Variants in DCX observed in about 807,000 individuals in gnomAD.
DCX encodes neuronal migration protein doublecortin.
In DCX, 4 loss-of-function variants were observed where a neutral mutation model predicts 20.9. The ratio of observed to expected loss-of-function variants is 0.19; its 90% confidence interval spans 0.09 to 0.44. DCX has a LOEUF of 0.44. DCX is among the 20% of genes least tolerant of loss of function. The pLI is 0.99. For synonymous variants in DCX, 103 were observed against 111.4 expected (o/e 0.92, Z 0.47); for missense variants, 133 against 296.9 (o/e 0.45, Z 4.06).
At chrX:111,361,157 G>T (rs1369561271) in intron 3 of DCX, among the ~76,000 whole-genome samples, 2 of 112,320 alleles carry the variant, frequency 1.8e-5, no homozygotes, top group South Asian at 3.7e-4. Context: ...AGAAGAATGT[G>T]CATGAAACAA....
chrX:111,403,202 G>A (rs752739810), intron 2 of DCX, among the ~76,000 whole-genome samples: 2 of 112,064 alleles, frequency 1.8e-5, no homozygotes, highest in African/African-American at 6.5e-5. Flanking sequence ...GCACCTTGCA[G>A]GAGGTCACTG....
intron 2 of DCX, among the ~76,000 whole-genome samples, chrX:111,404,430 A>G (rs931055818): frequency 1.7e-4 from 19 of 112,359 alleles, no homozygotes; most frequent in African/African-American, 5.5e-4. Context: ...GCTAACACCC[A>G]GTAAAGCTGC....
chrX:111,403,421 C>T (rs976129069), intron 2 of DCX, among the ~76,000 whole-genome samples: 3 of 111,524 alleles, frequency 2.7e-5, no homozygotes, highest in Non-Finnish European at 5.7e-5. Context: ...TATGATTAAC[C>T]GTCTCCAGAT....
intron 3 of DCX, among the ~76,000 whole-genome samples, chrX:111,366,977 C>T (rs2147702282): frequency 9.0e-6 from 1 of 111,528 alleles, no homozygotes; most frequent in African/African-American, 3.3e-5. Context: ...CTCTGTGGCT[C>T]CAAGACCCCA....
At chrX:111,400,464 G>T (rs1375047273) in intron 3 of DCX, among the ~76,000 whole-genome samples, 1 of 112,103 alleles carries the variant, frequency 8.9e-6, no homozygotes, top group African/African-American at 3.2e-5. Context: ...AAGAGAAAGA[G>T]AATAAATATG....
intron 5 of DCX, among the ~76,000 whole-genome samples, chrX:111,330,332 T>C (rs1921101769): frequency 8.9e-6 from 1 of 112,559 alleles, no homozygotes; most frequent in Non-Finnish European, 1.9e-5. Context: ...TAGAATCTTC[T>C]ATGGCAAATC....
chrX:111,405,563 A>G (rs754277195), intron 2 of DCX, among the ~76,000 whole-genome samples: 8 of 111,651 alleles, frequency 7.2e-5, no homozygotes, highest in African/African-American at 2.6e-4. Flanking sequence ...ACTTGTCTCA[A>G]TTTGGGTTCA....
In DCX at chrX:111,300,008, T is replaced by C. The variant is rs1336443230; in HGVS notation, c.*1679A>G. On this transcript the variant is annotated 3_prime_UTR_variant, in exon 7 of 7. Transcript: ENST00000636035. Reference sequence around the variant, plus strand: ...GCAGATGCACACACACACACACACATGCACCACCCCCTCCCACCACCACCA... The same window carrying C: ...GCAGATGCACACACACACACACACACGCACCACCCCCTCCCACCACCACCA... 4.6e-5 allele frequency: 5 copies of C among 109,868 alleles called. No individual in the cohort carries two copies. The highest frequency in any genetic ancestry group is 9.9e-5 in the African/African-American group (3 of 30,185). The allele number at this position is 109,868 out of a possible 1,213,427, so 9.1% of individuals were successfully genotyped here. A position where few individuals can be genotyped will look rare whatever the true frequency, so the allele number is the denominator to read the frequency against.
intron 6 of DCX, among the ~76,000 whole-genome samples, chrX:111,311,785 C>T (rs1017973898): frequency 4.4e-5 from 5 of 112,611 alleles, no homozygotes; most frequent in African/African-American, 1.3e-4. Context: ...CCAGCTCTGA[C>T]CATCTCTGAT....
chrX:111,395,645 C>T (rs967508721), intron 3 of DCX, among the ~76,000 whole-genome samples: 55 of 112,143 alleles, frequency 4.9e-4, no homozygotes, highest in African/African-American at 1.7e-3. Context: ...TCACTTCATG[C>T]TCAAGCCAAT....
At chrX:111,408,065 A>G (rs1484140829) in intron 2 of DCX, among the ~76,000 whole-genome samples, 1 of 111,637 alleles carries the variant, frequency 9.0e-6, no homozygotes, top group Non-Finnish European at 1.9e-5. Context: ...AAGTTGTTAC[A>G]GAGAAATCCC....
intron 3 of DCX, among the ~76,000 whole-genome samples, chrX:111,353,302 A>T (rs1464397594): frequency 1.8e-5 from 2 of 112,090 alleles, no homozygotes; most frequent in Non-Finnish European, 3.8e-5. Flanking sequence ...GACCTGAAAA[A>T]TGGAGTGAAT....
chrX:111,372,020 T>C (rs934296857), intron 3 of DCX, among the ~76,000 whole-genome samples: 1 of 110,801 alleles, frequency 9.0e-6, no homozygotes. Context: ...AATGAAGCCA[T>C]GGAGCCTCTG....
chrX:111,406,600 C>A (rs1206173561), intron 2 of DCX, among the ~76,000 whole-genome samples: 2 of 111,733 alleles, frequency 1.8e-5, no homozygotes, highest in Non-Finnish European at 3.8e-5. Context: ...CATGAAATAT[C>A]ATCCTTCAAC....
rs2095026173 is a variant in DCX, at chrX:111,298,338, C to T, written c.*3349G>A. 3 of 111,854 alleles carry T rather than the reference C, an allele frequency of 2.7e-5. No homozygotes were observed. The highest frequency in any genetic ancestry group is 9.8e-5 in the African/African-American group (3 of 30,643). 9.2% of individuals were successfully genotyped at this position (111,854 alleles called of 1,213,427 possible). A position where few individuals can be genotyped will look rare whatever the true frequency, so the allele number is the denominator to read the frequency against. ...CATTGCTCCTATTGGCCCTCAATGCCTCACTCTCTTCAAGGACATCTGCAA... is the reference window on the plus strand; with the variant it reads ...CATTGCTCCTATTGGCCCTCAATGCTTCACTCTCTTCAAGGACATCTGCAA... On this transcript the variant is annotated 3_prime_UTR_variant, in exon 7 of 7. Transcript: ENST00000636035.
At position 111,301,341 on chromosome X, in the gene DCX, A is replaced by G; in HGVS notation, c.*346T>C. 1 of 270,076 alleles carries G rather than the reference A, an allele frequency of 3.7e-6. No homozygotes were observed. The allele number at this position is 270,076 out of a possible 1,213,427, so 22.3% of individuals were successfully genotyped here. On this transcript the variant is annotated 3_prime_UTR_variant, in exon 7 of 7. Transcript: ENST00000636035. ...GTGCTGTATATGTAAACAGCCCTCT[A>G]CAGAAGGAAGACTGTATGGGCAAAA...
chrX:111,301,574 A>G lies in DCX; in HGVS notation c.*113T>C. 1.3e-6 allele frequency: 1 copy of G among 781,742 alleles called. No individual in the cohort carries two copies. Among genetic ancestry groups the G allele is most frequent in the South Asian group, 2.1e-5 (1 of 47,776 alleles). The allele number at this position is 781,742 out of a possible 1,213,427, so 64.4% of individuals were successfully genotyped here. A position where few individuals can be genotyped will look rare whatever the true frequency, so the allele number is the denominator to read the frequency against. ...TGTGTTTTTCAAAATAACAACAACA[A>G]CAAAATAAAAACTTGAAAGCACCAA... On this transcript the variant is annotated 3_prime_UTR_variant, in exon 7 of 7. Transcript: ENST00000636035.
intron 3 of DCX, among the ~76,000 whole-genome samples, chrX:111,348,709 C>A (rs889911987): frequency 9.1e-6 from 1 of 110,399 alleles, no homozygotes; most frequent in East Asian, 2.9e-4. Flanking sequence ...CCACACAACT[C>A]TAGGTTCTGT....
In DCX at chrX:111,408,691, A is replaced by AAAGAAAGG. The variant is rs1268843561; in HGVS notation, c.364+1343_364+1344insCCTTTCTT. ...GAAAGAAAGAAAGAAAGAAAGAAAGAAAGGAAGGAAGTCGAACTTGAACCT... is the reference window on the plus strand; with the variant it reads ...GAAAGAAAGAAAGAAAGAAAGAAAGAAAGAAAGGAAGGAAGGAAGTCGAACTTGAACCT... On this transcript the variant is annotated intron_variant, in intron 2 of 6. Coordinates refer to ENST00000636035, the MANE Select transcript of DCX (RefSeq NM_001195553.2). Among the ~76,000 whole-genome samples, 13 of 103,299 alleles carry AAAGAAAGG rather than the reference A, an allele frequency of 1.3e-4. No homozygotes were observed. The South Asian group carries it at 1.7e-3, about 13-fold the overall frequency. 89.7% of individuals were successfully genotyped at this position (103,299 alleles called of 115,157 possible).
Sources: gnomAD v4.1 joint callset for allele counts (sites outside exome capture counted in the v4.1 genomes callset) on GRCh38, gnomAD v4.1.1 for gene constraint, MANE v1.5 for transcripts, NCBI Gene and HGNC (gene_info 2026-07-23, HGNC 2026-07-21) for gene names.